The following MSRB3 variants were observed in gnomAD, a reference collection of about 807,000 sequenced individuals.
MSRB3 encodes the protein methionine-R-sulfoxide reductase B3.
In MSRB3, 13 loss-of-function variants were observed where a neutral mutation model predicts 21.0. The observed-to-expected ratio is 0.62, with a 90% CI of 0.40 to 0.98. The LOEUF is 0.98. Ranked by LOEUF, MSRB3 falls within the 50% of genes least tolerant of loss-of-function variation. The pLI, the probability that MSRB3 is intolerant of heterozygous loss-of-function variation, is 0.00. For missense variants in MSRB3, 199 were observed against 230.3 expected, an observed-to-expected ratio of 0.86 and a Z score of 0.88; for synonymous variants, 87 against 88.6, an observed-to-expected ratio of 0.98 and a Z score of 0.10.
chr12:65,310,243 C>A (rs1430406956), intron 2 of MSRB3, among the ~76,000 whole-genome samples: 2 of 152,140 alleles, frequency 1.3e-5, no homozygotes, highest in African/African-American at 4.8e-5. Flanking sequence ...CATCCCCCTG[C>A]ACTGCCACCA....
Position 65,278,788 on chromosome 12 carries a change from T to C in MSRB3, c.-129T>C. The C allele has an allele frequency of 1.9e-6, 3 of 1,574,238 alleles. No homozygotes were observed. Among genetic ancestry groups the C allele is most frequent in the Non-Finnish European group, 2.6e-6 (3 of 1,160,762 alleles). On this transcript the variant is annotated 5_prime_UTR_variant, in exon 1 of 7. Coordinates refer to ENST00000308259, the MANE Select transcript of MSRB3 (RefSeq NM_001031679.3). ...CTTTCCATGAGCCCGCGGCGGACCC[T>C]CCCGCGCCCCCTCTCGCTCTGCCTC...
At chr12:65,308,098 C>T (rs1036995499) in intron 1 of MSRB3, among the ~76,000 whole-genome samples, 4 of 152,120 alleles carry the variant, frequency 2.6e-5, no homozygotes, top group Non-Finnish European at 2.9e-5. Context: ...TTGCTTTGTG[C>T]CCTTGGACTT....
chr12:65,370,015 G>A (rs1025364072), intron 5 of MSRB3, among the ~76,000 whole-genome samples: 1 of 151,932 alleles, frequency 6.6e-6, no homozygotes, highest in African/African-American at 2.4e-5. Flanking sequence ...TTATTGTATG[G>A]TTTTGTGAAT....
intron 3 of MSRB3, among the ~76,000 whole-genome samples, chr12:65,328,278 A>G (rs1351044294): frequency 6.6e-6 from 1 of 151,998 alleles, no homozygotes; most frequent in Non-Finnish European, 1.5e-5. Context: ...ATCTTTTTCT[A>G]AGCATTACAT....
At chr12:65,429,952 A>C (rs1592630738) in intron 5 of MSRB3, among the ~76,000 whole-genome samples, 1 of 152,350 alleles carries the variant, frequency 6.6e-6, no homozygotes, top group African/African-American at 2.4e-5. Flanking sequence ...CAGTCCCTGC[A>C]CTAGCAGAAA....
At chr12:65,406,235 G>A (rs1322750255) in intron 5 of MSRB3, among the ~76,000 whole-genome samples, 1 of 152,154 alleles carries the variant, frequency 6.6e-6, no homozygotes, top group Non-Finnish European at 1.5e-5. Context: ...TCCAGTCTGA[G>A]TTAGTTTTTG....
rs577064802 is a variant in MSRB3 at position 65,465,148 on chromosome 12, G to A, written c.*1826G>A. ...CCAAGAGCCAGAATTTCCCTTTGTA[G>A]CAACACGGCTAGTTTTACTTTGAGA... is the stretch of plus-strand genomic sequence containing the variant. On this transcript the variant is annotated 3_prime_UTR_variant, in exon 7 of 7. Coordinates refer to ENST00000308259, the MANE Select transcript of MSRB3 (RefSeq NM_001031679.3). 1.3e-5 allele frequency: 2 copies of A among 152,300 alleles called. No homozygotes were observed. Among genetic ancestry groups the A allele is most frequent in the Non-Finnish European group, 2.9e-5 (2 of 68,028 alleles). The allele number at this position is 152,300 out of a possible 1,614,324, so 9.4% of individuals were successfully genotyped here.
chr12:65,307,322 G>A (rs919363306), intron 1 of MSRB3, among the ~76,000 whole-genome samples: 15 of 152,032 alleles, frequency 9.9e-5, no homozygotes, highest in African/African-American at 3.6e-4. Flanking sequence ...GTTTAGTTTG[G>A]GGAAGTCAGA....
chr12:65,360,285 C>A (rs1249051223), intron 4 of MSRB3, among the ~76,000 whole-genome samples: 1 of 152,020 alleles, frequency 6.6e-6, no homozygotes, highest in Non-Finnish European at 1.5e-5. Flanking sequence ...ATACTCTGTT[C>A]TCTTTAGTGT....
chr12:65,346,130 T>C (rs912800867), intron 4 of MSRB3, among the ~76,000 whole-genome samples: 3 of 152,174 alleles, frequency 2.0e-5, no homozygotes, highest in African/African-American at 7.2e-5. Context: ...AAATGGTATT[T>C]CTAGTTCTAG....
intron 6 of MSRB3, among the ~76,000 whole-genome samples, 196 bp from the exon 7 acceptor site, chr12:65,462,957 GTT>G (rs1392796918): frequency 6.6e-6 from 1 of 152,190 alleles, no homozygotes; most frequent in East Asian, 1.9e-4. Context: ...CAATTCTAGT[GTT>G]TTTTGTTCTC....
Position 65,438,656 on chromosome 12 carries a change from G to A in MSRB3, c.293-15072G>A, listed in dbSNP as rs549692419. Reference sequence around the variant, plus strand: ...ATAACATCTACAGGAGAGGAAGGCAGAGTGGAGGAAAATGAGAGTTTTCCA... The same window carrying A: ...ATAACATCTACAGGAGAGGAAGGCAAAGTGGAGGAAAATGAGAGTTTTCCA... On this transcript the variant is annotated intron_variant, in intron 5 of 6. Transcript: ENST00000308259. Among the ~76,000 whole-genome samples the A allele has an allele frequency of 3.3e-5, 5 of 152,012 alleles. No individual in the cohort carries two copies. In the South Asian group the frequency reaches 1.0e-3, roughly 31 times the overall value.
At chr12:65,362,651 A>G (rs1168214502) in intron 4 of MSRB3, among the ~76,000 whole-genome samples, 4 of 152,178 alleles carry the variant, frequency 2.6e-5, no homozygotes, top group East Asian at 1.9e-4. Context: ...GACTGGTGCT[A>G]TGAAATGAAA....
At chr12:65,426,193 GT>G (rs1464408391) in intron 5 of MSRB3, among the ~76,000 whole-genome samples, 2 of 152,068 alleles carry the variant, frequency 1.3e-5, no homozygotes, top group Non-Finnish European at 2.9e-5. Context: ...TTTTTTGTCT[GT>G]TTTTTAAGTT....
At chr12:65,336,046 A>G (rs544641099) in intron 4 of MSRB3, among the ~76,000 whole-genome samples, 1 of 152,322 alleles carries the variant, frequency 6.6e-6, no homozygotes, top group South Asian at 2.1e-4. Context: ...TATAAAATTG[A>G]CTTCTCTCAG....
intron 5 of MSRB3, among the ~76,000 whole-genome samples, chr12:65,394,492 C>A (rs1473621044): frequency 1.3e-5 from 2 of 152,172 alleles, no homozygotes; most frequent in Non-Finnish European, 2.9e-5. Flanking sequence ...AGTATCACTT[C>A]ACTGATAAAT....
intron 5 of MSRB3, among the ~76,000 whole-genome samples, chr12:65,380,410 T>C (rs914524668): frequency 2.6e-5 from 4 of 152,056 alleles, no homozygotes; most frequent in African/African-American, 9.7e-5. Context: ...AACCCATCTC[T>C]ACTAAAAATG....
chr12:65,311,817 T>G (rs1022520952), intron 2 of MSRB3, among the ~76,000 whole-genome samples: 1 of 152,074 alleles, frequency 6.6e-6, no homozygotes. Flanking sequence ...AGCAAGCTCT[T>G]AAAGTTGATT....
chr12:65,335,299 G>T (rs1875691873), intron 4 of MSRB3, among the ~76,000 whole-genome samples: 1 of 152,138 alleles, frequency 6.6e-6, no homozygotes, highest in South Asian at 2.1e-4. Flanking sequence ...ATTAGACAGG[G>T]TCTGTCTGTT....
Sources: allele counts gnomAD v4.1 joint callset (sites outside exome capture counted in the v4.1 genomes callset), GRCh38; gene constraint gnomAD v4.1.1; transcripts MANE v1.5; gene names NCBI Gene and HGNC (gene_info 2026-07-23, HGNC 2026-07-21).